The following MACROD2 variants were observed in gnomAD, a reference collection of about 807,000 sequenced individuals.
The protein encoded by MACROD2 is ADP-ribose glycohydrolase MACROD2.
MACROD2 carries 36 observed loss-of-function variants against 70.4 expected under a neutral mutation model. The observed-to-expected ratio is 0.51, with a 90% CI of 0.39 to 0.68. MACROD2 has a LOEUF of 0.68. Among genes scored for constraint, MACROD2 ranks in the 30% least tolerant of loss-of-function variants. MACROD2 has a pLI of 0.00. For missense variants in MACROD2, 496 were observed against 538.4 expected (o/e 0.92, Z 0.78); for synonymous variants, 172 against 178.8 (o/e 0.96, Z 0.30).
chr20:15,810,882 A>G (rs1256209460), intron 8 of MACROD2, among the ~76,000 whole-genome samples: 1 of 151,416 alleles, frequency 6.6e-6, no homozygotes, highest in African/African-American at 2.4e-5. Context: ...CTGGCTAGCC[A>G]TATGTAGAAA....
At chr20:14,153,385 A>C (rs555572350) in intron 3 of MACROD2, among the ~76,000 whole-genome samples, 2 of 152,202 alleles carry the variant, frequency 1.3e-5, no homozygotes, top group Non-Finnish European at 2.9e-5. Flanking sequence ...AAGTGTAAAG[A>C]AACAGTGGAA....
intron 5 of MACROD2, among the ~76,000 whole-genome samples, chr20:15,070,451 C>G (rs1051634342): frequency 2.6e-5 from 4 of 151,954 alleles, no homozygotes. Context: ...ATGATATGGC[C>G]TGGATATCTG....
intron 3 of MACROD2, among the ~76,000 whole-genome samples, chr20:14,399,561 T>C (rs1177101172): frequency 6.6e-6 from 1 of 152,220 alleles, no homozygotes; most frequent in Non-Finnish European, 1.5e-5. Flanking sequence ...TCATATTGCC[T>C]GTGCTTGTCG....
chr20:14,199,658 C>T (rs1177814333), intron 3 of MACROD2, among the ~76,000 whole-genome samples: 2 of 151,878 alleles, frequency 1.3e-5, no homozygotes, highest in Non-Finnish European at 2.9e-5. Flanking sequence ...TTTTCTTTTT[C>T]ATGTAGTATT....
At chr20:14,634,083 C>G (rs1041944226) in intron 4 of MACROD2, among the ~76,000 whole-genome samples, 1 of 152,204 alleles carries the variant, frequency 6.6e-6, no homozygotes, top group Non-Finnish European at 1.5e-5. Flanking sequence ...GCCCCCTGGG[C>G]GTGCCATTTC....
At chr20:15,291,247 A>G (rs768812078) in intron 6 of MACROD2, among the ~76,000 whole-genome samples, 56 of 152,288 alleles carry the variant, frequency 3.7e-4, no homozygotes, top group Admixed American at 2.3e-3. Flanking sequence ...AAACCCATCT[A>G]TGCCATCACT....
At chr20:14,574,862 T>C (rs1980469379) in intron 4 of MACROD2, among the ~76,000 whole-genome samples, 1 of 145,194 alleles carries the variant, frequency 6.9e-6, no homozygotes, top group African/African-American at 2.5e-5. Flanking sequence ...ATACAAAAAA[T>C]TAGCCGGGCG....
At chr20:14,698,738 C>T (rs1163482092) in intron 5 of MACROD2, among the ~76,000 whole-genome samples, 14 of 150,112 alleles carry the variant, frequency 9.3e-5, no homozygotes, top group African/African-American at 3.2e-4. Flanking sequence ...ACATAGAAAA[C>T]TTTATTAATT....
At chr20:14,954,232 G>C (rs1471356124) in intron 5 of MACROD2, among the ~76,000 whole-genome samples, 1 of 151,818 alleles carries the variant, frequency 6.6e-6, no homozygotes, top group Non-Finnish European at 1.5e-5. Flanking sequence ...GGAATTCACA[G>C]AGTGGTTGTT....
At chr20:15,262,873 T>C (rs985135522) in intron 6 of MACROD2, among the ~76,000 whole-genome samples, 8 of 152,002 alleles carry the variant, frequency 5.3e-5, no homozygotes, top group African/African-American at 1.9e-4. Flanking sequence ...CAAAACCTTT[T>C]GGCCAGATTA....
intron 8 of MACROD2, among the ~76,000 whole-genome samples, chr20:15,843,318 AGT>A (rs2064195001): frequency 6.6e-6 from 1 of 152,198 alleles, no homozygotes; most frequent in Admixed American, 6.5e-5. Flanking sequence ...ATTTAGGTAA[AGT>A]GTGACTACCG....
At chr20:14,094,189 C>T (rs1411585665) in intron 3 of MACROD2, among the ~76,000 whole-genome samples, 6 of 151,964 alleles carry the variant, frequency 3.9e-5, no homozygotes, top group Admixed American at 3.9e-4. Flanking sequence ...TGATTTTTCC[C>T]CTCCTAGCTC....
chr20:14,129,506 C>T (rs1002026582), intron 3 of MACROD2, among the ~76,000 whole-genome samples: 14 of 152,076 alleles, frequency 9.2e-5, no homozygotes, highest in African/African-American at 3.1e-4. Context: ...GAAATGACAA[C>T]ACAGAATTTG....
intron 5 of MACROD2, among the ~76,000 whole-genome samples, chr20:14,708,940 A>G (rs1474454888): frequency 1.3e-5 from 2 of 152,048 alleles, no homozygotes; most frequent in Non-Finnish European, 2.9e-5. Context: ...TTTGATGGCA[A>G]TTTCTTATCT....
rs554641459 is a variant in MACROD2 at position 15,988,655 on chromosome 20, G to T, written c.1153+1497G>T. Among the ~76,000 whole-genome samples the T allele has an allele frequency of 1.7e-3, 262 of 152,134 alleles. 1 individual carries two copies. Among genetic ancestry groups the T allele is most frequent in the Non-Finnish European group, 2.2e-3 (149 of 67,960 alleles). On this transcript the variant is annotated intron_variant, in intron 15 of 17. Coordinates refer to ENST00000684519, the MANE Select transcript of MACROD2 (RefSeq NM_001351661.2). ...TGCCAATCTTTTTCTGATAATGGTG[G>T]AATAGCATGTGGGAAAAAAGCAAGG...
At chr20:14,993,916 T>C (rs1016880544) in intron 5 of MACROD2, among the ~76,000 whole-genome samples, 1 of 152,330 alleles carries the variant, frequency 6.6e-6, no homozygotes, top group Middle Eastern at 3.4e-3. Context: ...TTTTTTAAAG[T>C]TGGTTTGCAA....
intron 9 of MACROD2, among the ~76,000 whole-genome samples, chr20:15,876,109 A>ATATATATATGTATG (rs57817982): frequency 0.059 from 7,344 of 124,170 alleles, 477 homozygotes; most frequent in African/African-American, 0.12. Context: ...ATATATATAT[A>ATATATATATGTATG]TATGTGTGTA....
At chr20:15,215,650 C>T (rs1170814459) in intron 5 of MACROD2, among the ~76,000 whole-genome samples, 1 of 151,986 alleles carries the variant, frequency 6.6e-6, no homozygotes, top group East Asian at 1.9e-4. Flanking sequence ...CCACTAAGGG[C>T]TTGTTATTAC....
At chr20:15,985,081 A>G (rs895370608) in intron 13 of MACROD2, among the ~76,000 whole-genome samples, 1 of 152,146 alleles carries the variant, frequency 6.6e-6, no homozygotes, top group Non-Finnish European at 1.5e-5. Flanking sequence ...TGGCCAGTCT[A>G]TTTCACACAA....
Sources: gnomAD v4.1 joint callset for allele counts (sites outside exome capture counted in the v4.1 genomes callset) on GRCh38, gnomAD v4.1.1 for gene constraint, MANE v1.5 for transcripts, NCBI Gene and HGNC (gene_info 2026-07-23, HGNC 2026-07-21) for gene names.